PDGFRL: variants seen among roughly 807,000 people sequenced by gnomAD.
PDGFRL encodes the protein platelet derived growth factor receptor like, also known as platelet-derived growth factor receptor-like protein.
In PDGFRL, 46 loss-of-function variants were observed where a neutral mutation model predicts 37.2. That is an observed-to-expected ratio of 1.24 (90% CI 0.98 to 1.58). The LOEUF (loss-of-function observed/expected upper bound fraction) is 1.58, where lower values mean the gene tolerates loss of function less well. Among genes scored for constraint, PDGFRL ranks in the 40% most tolerant of loss-of-function variants. The probability of loss-of-function intolerance (pLI) is 0.00; values close to 1 mark genes in which losing one functional copy is unlikely to be tolerated. For synonymous variants in PDGFRL, 251 were observed against 184.3 expected (o/e 1.36, Z -2.93); for missense variants, 692 against 467.6 (o/e 1.48, Z -4.43).
chr8:17,577,082 T>TAAA (rs5889721), upstream of PDGFRL: 91 of 520,440 alleles, frequency 1.7e-4, 3 homozygotes, highest in Middle Eastern at 2.3e-3. Flanking sequence ...CACAGAGAAC[T>TAAA]AAAAAAAAAA....
At chr8:17,609,634 TA>T (rs3040922) in intron 2 of PDGFRL, among the ~76,000 whole-genome samples, 926 of 43,278 alleles carry the variant, frequency 0.021, 12 homozygotes, top group East Asian at 0.072. Context: ...TGAGACTCTG[TA>T]AAAAAAAAAA....
intron 2 of PDGFRL, among the ~76,000 whole-genome samples, chr8:17,592,916 G>GCACACA (rs140137425): frequency 0.038 from 1,122 of 29,528 alleles, 16 homozygotes; most frequent in African/African-American, 0.042. Flanking sequence ...CCACATACAT[G>GCACACA]CACACACACA....
At chr8:17,597,581 C>T (rs947948671) in intron 2 of PDGFRL, among the ~76,000 whole-genome samples, 1 of 151,932 alleles carries the variant, frequency 6.6e-6, no homozygotes. Context: ...GGGAATGTCA[C>T]AGTTGCTTAC....
At chr8:17,617,254 T>A (rs1804548220) in intron 2 of PDGFRL, among the ~76,000 whole-genome samples, 1 of 152,228 alleles carries the variant, frequency 6.6e-6, no homozygotes, top group Non-Finnish European at 1.5e-5. Flanking sequence ...AGAGGCAAGC[T>A]GATGTGTTGG....
At chr8:17,606,894 G>GTTT (rs1198809504) in intron 2 of PDGFRL, among the ~76,000 whole-genome samples, 22 of 123,664 alleles carry the variant, frequency 1.8e-4, no homozygotes, top group South Asian at 4.9e-4. Context: ...TTGTTTTTTT[G>GTTT]TTTTTTTTTT....
intron 2 of PDGFRL, among the ~76,000 whole-genome samples, chr8:17,601,135 G>T (rs564892931): frequency 2.0e-5 from 3 of 152,146 alleles, no homozygotes; most frequent in Non-Finnish European, 4.4e-5. Flanking sequence ...ATTCACTCCC[G>T]CATCCAACCA....
chr8:17,592,200 C>A (rs1037905632), intron 2 of PDGFRL, among the ~76,000 whole-genome samples: 1 of 152,144 alleles, frequency 6.6e-6, no homozygotes, highest in Admixed American at 6.5e-5. Context: ...CTGTTCTTAC[C>A]ATGAAAAGTA....
chr8:17,632,396 A>C (rs1041476458), intron 4 of PDGFRL, among the ~76,000 whole-genome samples: 1 of 150,746 alleles, frequency 6.6e-6, no homozygotes, highest in Non-Finnish European at 1.5e-5. Flanking sequence ...GCTGGAGTGC[A>C]GTGGTGTGAT....
intron 1 of PDGFRL, among the ~76,000 whole-genome samples, chr8:17,588,382 G>A (rs1051556669): frequency 4.6e-5 from 7 of 152,072 alleles, no homozygotes; most frequent in Non-Finnish European, 8.8e-5. Context: ...AGTTCACTGT[G>A]GTTCAAAATC....
In PDGFRL at chr8:17,642,767, A is replaced by T; in HGVS notation, c.1094A>T (p.Gln365Leu). Residue 365 changes from glutamine to leucine, a missense_variant, in exon 6 of 6, where the codon CAG (glutamine) becomes CTG (leucine). Physicochemically the swap from Gln to Leu is moderately radical, Grantham distance 113 (BLOSUM62 -2). Coordinates refer to ENST00000251630, the MANE Select transcript of PDGFRL (RefSeq NM_001372073.1). ...YICTAQNLQGQTTVATTVEFS is the reference protein window; with the variant it reads ...YICTAQNLQGLTTVATTVEFS ...TGCACTGCTCAGAATCTTCAAGGAC[A>T]GACCACAGTAGCTACCACTGTTGAG... 3 of 1,608,812 alleles carry T rather than the reference A, an allele frequency of 1.9e-6. No homozygotes were observed. The highest frequency in any genetic ancestry group is 2.6e-6 in the Non-Finnish European group (3 of 1,175,520).
chr8:17,637,565 T>G (rs1804997497), intron 5 of PDGFRL, among the ~76,000 whole-genome samples: 1 of 152,182 alleles, frequency 6.6e-6, no homozygotes. Context: ...GTTTTGGTAT[T>G]AGGGTGATAC....
In PDGFRL at chr8:17,607,665, G is replaced by C. The variant is rs140957945; in HGVS notation, c.354-13386G>C. Among the ~76,000 whole-genome samples, 1,069 of 152,260 alleles carry C rather than the reference G, an allele frequency of 7.0e-3. 8 individuals are homozygous for C. The highest frequency in any genetic ancestry group is 0.017 in the Middle Eastern group (5 of 294). On this transcript the variant is annotated intron_variant, in intron 2 of 5. Coordinates refer to ENST00000251630, the MANE Select transcript of PDGFRL (RefSeq NM_001372073.1). ...ATTGCATGTATTTTATGAGTGAAATGTTGCTTTAACAAGTAAGTATACATG... is the reference window on the plus strand; with the variant it reads ...ATTGCATGTATTTTATGAGTGAAATCTTGCTTTAACAAGTAAGTATACATG...
chr8:17,584,353 C>T (rs1353176093), intron 1 of PDGFRL, among the ~76,000 whole-genome samples: 2 of 152,070 alleles, frequency 1.3e-5, no homozygotes, highest in Non-Finnish European at 1.5e-5. Context: ...TTTCAAGTGG[C>T]GATGCTGAAT....
intron 2 of PDGFRL, among the ~76,000 whole-genome samples, chr8:17,610,131 A>T (rs574918189): frequency 1.0e-3 from 156 of 152,272 alleles, no homozygotes; most frequent in African/African-American, 3.6e-3. Context: ...TTCTCCTAGC[A>T]AGGGTGGCAG....
chr8:17,629,477 C>A (rs537382012), intron 4 of PDGFRL, among the ~76,000 whole-genome samples: 1 of 152,140 alleles, frequency 6.6e-6, no homozygotes, highest in Non-Finnish European at 1.5e-5. Context: ...TTCATTCCCA[C>A]GTCAAGGCTG....
chr8:17,591,946 G>A (rs1803949531), intron 2 of PDGFRL, among the ~76,000 whole-genome samples: 1 of 152,094 alleles, frequency 6.6e-6, no homozygotes, highest in South Asian at 2.1e-4. Flanking sequence ...AGGCTGCAGA[G>A]GGCAGGTATC....
At position 17,591,239 on chromosome 8, in the gene PDGFRL, T is replaced by C. The variant is rs1033585585; in HGVS notation, c.353+1474T>C. Among the ~76,000 whole-genome samples the C allele has an allele frequency of 2.0e-5, 3 of 152,288 alleles. No individual in the cohort carries two copies. The South Asian group carries it at 6.2e-4, about 32-fold the overall frequency. On this transcript the variant is annotated intron_variant, in intron 2 of 5. Coordinates refer to ENST00000251630, the MANE Select transcript of PDGFRL (RefSeq NM_001372073.1). Reference sequence around the variant, plus strand: ...GACTGTTACAGTCAGAGGCCTCAACTGGTAAGAAGGCCCATGATTTCTCAT... The same window carrying C: ...GACTGTTACAGTCAGAGGCCTCAACCGGTAAGAAGGCCCATGATTTCTCAT...
intron 2 of PDGFRL, among the ~76,000 whole-genome samples, chr8:17,614,448 C>T (rs1307769792): frequency 1.3e-5 from 2 of 152,184 alleles, no homozygotes; most frequent in African/African-American, 4.8e-5. Flanking sequence ...CCTGTGTAAA[C>T]ACTTGAAACA....
chr8:17,606,047 C>G (rs963018365), intron 2 of PDGFRL, among the ~76,000 whole-genome samples: 1 of 152,094 alleles, frequency 6.6e-6, no homozygotes, highest in African/African-American at 2.4e-5. Flanking sequence ...GAGGGAGAGT[C>G]TGGAAGACAT....
Sources: allele counts gnomAD v4.1 joint callset (sites outside exome capture counted in the v4.1 genomes callset), GRCh38; gene constraint gnomAD v4.1.1; transcripts MANE v1.5; gene names NCBI Gene and HGNC (gene_info 2026-07-23, HGNC 2026-07-21).